Variants in ZCCHC7 observed in about 807,000 individuals in gnomAD.
ZCCHC7 encodes the protein zinc finger CCHC domain-containing protein 7.
A neutral mutation model predicts 52.0 loss-of-function variants in ZCCHC7; 35 were observed. The observed-to-expected ratio is 0.67, with a 90% CI of 0.51 to 0.89. The LOEUF (loss-of-function observed/expected upper bound fraction) is 0.89, where lower values mean the gene tolerates loss of function less well. Among genes scored for constraint, ZCCHC7 ranks in the 40% least tolerant of loss-of-function variants. ZCCHC7 has a pLI of 0.00. For missense variants in ZCCHC7, 574 were observed against 649.1 expected, an observed-to-expected ratio of 0.88 and a Z score of 1.26; for synonymous variants, 217 against 221.5, an observed-to-expected ratio of 0.98 and a Z score of 0.18.
chr9:37,299,359 G>A (rs566060331), intron 2 of ZCCHC7, among the ~76,000 whole-genome samples: 5 of 152,284 alleles, frequency 3.3e-5, no homozygotes, highest in African/African-American at 1.2e-4. Flanking sequence ...GAGAAAATTA[G>A]AATCAGAAAT....
chr9:37,175,117 G>GAAAAAAAA (rs574722132), intron 2 of ZCCHC7, among the ~76,000 whole-genome samples: 15 of 134,818 alleles, frequency 1.1e-4, no homozygotes, highest in African/African-American at 3.8e-4. Flanking sequence ...CTGTCTCAAA[G>GAAAAAAAA]AAAAAAAAAA....
intron 2 of ZCCHC7, among the ~76,000 whole-genome samples, chr9:37,155,441 A>G (rs1820768764): frequency 6.6e-6 from 1 of 152,178 alleles, no homozygotes; most frequent in Non-Finnish European, 1.5e-5. Flanking sequence ...ATTAATATGT[A>G]GTAGTTGTGC....
At position 37,174,124 on chromosome 9, in the gene ZCCHC7, C is replaced by T. The variant is rs542245948; in HGVS notation, c.610+47182C>T. Among the ~76,000 whole-genome samples, 8 of 152,086 alleles carry T rather than the reference C, an allele frequency of 5.3e-5. No individual in the cohort carries two copies. The East Asian group carries it at 9.7e-4, about 18-fold the overall frequency. ...GTCAGGAGTTCGAGACCAGCCTGGCCGATATGGTGAAACCCCATCTCTACG... is the reference window on the plus strand; with the variant it reads ...GTCAGGAGTTCGAGACCAGCCTGGCTGATATGGTGAAACCCCATCTCTACG... On this transcript the variant is annotated intron_variant, in intron 2 of 8. Coordinates refer to ENST00000336755, the MANE Select transcript of ZCCHC7 (RefSeq NM_032226.3).
chr9:37,186,999 G>T (rs1011243025), intron 2 of ZCCHC7: 9 of 239,512 alleles, frequency 3.8e-5, no homozygotes, highest in African/African-American at 6.7e-5. Context: ...ATGGATTGAT[G>T]AAACTTCTTC....
chr9:37,174,385 G>A (rs564153305), intron 2 of ZCCHC7, among the ~76,000 whole-genome samples: 38 of 152,286 alleles, frequency 2.5e-4, no homozygotes, highest in African/African-American at 8.9e-4. Flanking sequence ...AATACCGTGT[G>A]AGTGCAAAGT....
intron 5 of ZCCHC7, among the ~76,000 whole-genome samples, chr9:37,324,627 A>G (rs1830169418): frequency 6.6e-6 from 1 of 152,304 alleles, no homozygotes; most frequent in East Asian, 1.9e-4. Flanking sequence ...CAGCTCATAC[A>G]TTTTGGTTAT....
At chr9:37,211,895 G>A (rs1042259587) in intron 2 of ZCCHC7, among the ~76,000 whole-genome samples, 2 of 151,734 alleles carry the variant, frequency 1.3e-5, no homozygotes, top group East Asian at 1.9e-4. Flanking sequence ...GAGTGTAGTG[G>A]CAGGCGCCTG....
chr9:37,149,392 C>A (rs1321465024), intron 2 of ZCCHC7, among the ~76,000 whole-genome samples: 1 of 151,946 alleles, frequency 6.6e-6, no homozygotes, highest in Non-Finnish European at 1.5e-5. Flanking sequence ...CATCACTGAA[C>A]AATATTTTCC....
chr9:37,121,291 C>T (rs1173033519), intron 1 of ZCCHC7, among the ~76,000 whole-genome samples: 1 of 152,190 alleles, frequency 6.6e-6, no homozygotes, highest in Non-Finnish European at 1.5e-5. Flanking sequence ...TTCCAGAAAG[C>T]TCTTATTGAA....
intron 2 of ZCCHC7, among the ~76,000 whole-genome samples, chr9:37,216,080 A>G (rs957076410): frequency 2.0e-5 from 3 of 152,174 alleles, no homozygotes; most frequent in African/African-American, 7.2e-5. Context: ...ATATTACTTG[A>G]TCATAGAGGC....
Position 37,327,813 on chromosome 9 carries a change from CT to C in ZCCHC7, c.967del (p.Trp323GlyfsTer6). ...TTATTTTCCAGGCTTGCACAGAAAT[CT>C]GGAGGCAGTATCACCTAACGGTGAG... ...GHYTDACTEI[W>X]RQYHLTTKPG... On this transcript the variant is annotated frameshift_variant, in exon 6 of 9. Transcript: ENST00000336755. LOFTEE classifies it high-confidence loss of function. 1 of 1,613,152 alleles carries C rather than the reference CT, an allele frequency of 6.2e-7. No homozygotes were observed. The highest frequency in any genetic ancestry group is 8.5e-7 in the Non-Finnish European group (1 of 1,179,336).
In ZCCHC7 at chr9:37,352,511, C is replaced by CTTTTTTTTTTTTTTTTTTTT. The variant is rs869266535; in HGVS notation, c.1084-2194_1084-2175dup. Among the ~76,000 whole-genome samples the CTTTTTTTTTTTTTTTTTTTT allele has an allele frequency of 2.1e-4, 17 of 81,574 alleles. 1 individual carries two copies. The highest frequency in any genetic ancestry group is 1.1e-3 in the East Asian group (3 of 2,846). 53.5% of individuals were successfully genotyped at this position (81,574 alleles called of 152,430 possible). On this transcript the variant is annotated intron_variant, in intron 7 of 8. Transcript: ENST00000336755. ...TACCTTTGCATAATCACAATTTGCT[C>CTTTTTTTTTTTTTTTTTTTT]TTTTTTTTTTTTTTTTTTTTTTTTG... is the stretch of plus-strand genomic sequence containing the variant.
At chr9:37,327,868 A>T in intron 6 of ZCCHC7, 34 bp downstream of exon 6, 2 of 1,610,352 alleles carry the variant, frequency 1.2e-6, no homozygotes, top group Non-Finnish European at 1.7e-6. Flanking sequence ...TTTCCCCAAG[A>T]CCTAGCCTAT....
At chr9:37,352,511 CTTTTTTT>C (rs869266535) in intron 7 of ZCCHC7, among the ~76,000 whole-genome samples, 35 of 81,576 alleles carry the variant, frequency 4.3e-4, no homozygotes, top group African/African-American at 1.4e-3. Flanking sequence ...ACAATTTGCT[CTTTTTTT>C]TTTTTTTTTT....
chr9:37,236,451 G>A (rs1185746560), intron 2 of ZCCHC7, among the ~76,000 whole-genome samples: 1 of 151,750 alleles, frequency 6.6e-6, no homozygotes, highest in Non-Finnish European at 1.5e-5. Flanking sequence ...GAGTGCAGTG[G>A]CGCTGTCTCG....
intron 5 of ZCCHC7, 51 bp from the exon 6 acceptor site, chr9:37,327,748 G>A (rs1564257189): frequency 6.2e-7 from 1 of 1,608,926 alleles, no homozygotes; most frequent in Non-Finnish European, 8.5e-7. Context: ...CCAACAGGCT[G>A]TAAAGTACCT....
chr9:37,281,020 A>G (rs879862023), intron 2 of ZCCHC7, among the ~76,000 whole-genome samples: 5 of 152,220 alleles, frequency 3.3e-5, no homozygotes, highest in Non-Finnish European at 5.9e-5. Context: ...TCATATGGTT[A>G]CAAGTTTCTT....
At chr9:37,234,949 AT>A (rs994706874) in intron 2 of ZCCHC7, among the ~76,000 whole-genome samples, 1 of 152,150 alleles carries the variant, frequency 6.6e-6, no homozygotes, top group African/African-American at 2.4e-5. Flanking sequence ...TTTTATTTTT[AT>A]TTGATTATGT....
chr9:37,185,505 A>G (rs1822604864), intron 2 of ZCCHC7, among the ~76,000 whole-genome samples: 1 of 152,222 alleles, frequency 6.6e-6, no homozygotes, highest in Non-Finnish European at 1.5e-5. Context: ...CAATGGCTTA[A>G]AACAGCAGAA....
Sources: allele counts gnomAD v4.1 joint callset (sites outside exome capture counted in the v4.1 genomes callset), GRCh38; gene constraint gnomAD v4.1.1; transcripts MANE v1.5; gene names NCBI Gene and HGNC (gene_info 2026-07-23, HGNC 2026-07-21).